The following SLC24A2 variants were observed in gnomAD, a reference collection of about 807,000 sequenced individuals.
SLC24A2 encodes the protein solute carrier family 24 member 2, also known as sodium/potassium/calcium exchanger 2.
Under a neutral mutation model 62.0 loss-of-function variants are expected in SLC24A2, and 36 were observed. The ratio of observed to expected loss-of-function variants is 0.58; its 90% confidence interval spans 0.44 to 0.77. The LOEUF (loss-of-function observed/expected upper bound fraction) is 0.77, where lower values mean the gene tolerates loss of function less well. Ranked by LOEUF, SLC24A2 falls within the 30% of genes least tolerant of loss-of-function variation. The pLI, the probability that SLC24A2 is intolerant of heterozygous loss-of-function variation, is 0.00. For missense variants in SLC24A2, 846 were observed against 817.9 expected, an observed-to-expected ratio of 1.03 and a Z score of -0.42; for synonymous variants, 358 against 294.0, an observed-to-expected ratio of 1.22 and a Z score of -2.23.
At chr9:20,025,288 C>G in the SLC24A2 span, among the ~76,000 whole-genome samples, 1 of 152,118 alleles carries the variant, frequency 6.6e-6, no homozygotes, top group Admixed American at 6.6e-5. Flanking sequence ...TGTATCTCAG[C>G]TCCTAACACT....
chr9:20,232,241 T>A, the SLC24A2 span, among the ~76,000 whole-genome samples: 1 of 152,364 alleles, frequency 6.6e-6, no homozygotes, highest in East Asian at 1.9e-4. Context: ...AGGATGATGC[T>A]GGCCTCATAA....
Position 19,758,797 on chromosome 9 carries a change from A to T in SLC24A2, c.930+27140T>A, listed in dbSNP as rs561527531. Among the ~76,000 whole-genome samples the T allele has an allele frequency of 2.0e-4, 30 of 152,312 alleles. No homozygotes were observed. The South Asian group carries it at 6.0e-3, about 30-fold the overall frequency. On this transcript the variant is annotated intron_variant, in intron 2 of 10. Coordinates refer to ENST00000341998, the MANE Select transcript of SLC24A2 (RefSeq NM_020344.4). ...TATTCAGTAAGAAAGAAATCAAGAC[A>T]GTCATTTCACTTCCTGCTTATCACT... is the stretch of plus-strand genomic sequence containing the variant.
intron 2 of SLC24A2, among the ~76,000 whole-genome samples, chr9:19,770,155 A>T (rs1366537545): frequency 6.6e-6 from 1 of 151,840 alleles, no homozygotes; most frequent in Non-Finnish European, 1.5e-5. Flanking sequence ...GACCAAAGTA[A>T]GCAGACTTTA....
chr9:19,812,301 A>G, the SLC24A2 span, among the ~76,000 whole-genome samples: 5 of 152,098 alleles, frequency 3.3e-5, no homozygotes, highest in Admixed American at 1.3e-4. Context: ...TGGGAATCCA[A>G]TTAAATTTAT....
chr9:19,642,921 C>A (rs981177544), intron 2 of SLC24A2, among the ~76,000 whole-genome samples: 3 of 149,408 alleles, frequency 2.0e-5, no homozygotes, highest in Admixed American at 1.3e-4. Context: ...ACCTCGTGAT[C>A]TGCCCGCCTT....
the SLC24A2 span, among the ~76,000 whole-genome samples, chr9:20,181,845 G>A: frequency 3.3e-5 from 5 of 152,272 alleles, no homozygotes; most frequent in East Asian, 1.9e-4. Flanking sequence ...AGAATGAATA[G>A]GCAACCTATA....
At chr9:20,166,422 T>C in the SLC24A2 span, among the ~76,000 whole-genome samples, 4 of 151,868 alleles carry the variant, frequency 2.6e-5, no homozygotes, top group Non-Finnish European at 5.9e-5. Flanking sequence ...TCTTAGAAGG[T>C]TGATTGAACA....
the SLC24A2 span, among the ~76,000 whole-genome samples, chr9:20,014,096 T>C: frequency 6.6e-6 from 1 of 152,114 alleles, no homozygotes; most frequent in Non-Finnish European, 1.5e-5. Context: ...TAGTCTCAGC[T>C]ACTCAGAAGG....
At chr9:20,264,157 A>T in the SLC24A2 span, among the ~76,000 whole-genome samples, 1 of 152,146 alleles carries the variant, frequency 6.6e-6, no homozygotes, top group Non-Finnish European at 1.5e-5. Flanking sequence ...GGCAGTTAGG[A>T]GCAAGGACAC....
intron 2 of SLC24A2, among the ~76,000 whole-genome samples, chr9:19,758,337 G>A (rs777520159): frequency 2.0e-5 from 3 of 152,172 alleles, no homozygotes; most frequent in African/African-American, 4.8e-5. Context: ...GACACAGGGA[G>A]TATCCATCAA....
rs61576823 is a variant in SLC24A2, at chr9:19,650,822, A to AGTGTGTGTGTGTGT, written c.931-28537_931-28524dup. 7.3e-3 allele frequency among the ~76,000 whole-genome samples: 1,083 copies of AGTGTGTGTGTGTGT among 149,168 alleles called. 12 individuals carry two copies. Among genetic ancestry groups the AGTGTGTGTGTGTGT allele is most frequent in the African/African-American group, 0.026 (1,046 of 40,450 alleles). ...ACAGGCATTGTAAACATCAGCTTCT[A>AGTGTGTGTGTGTGT]GTGTGTGTGTGTGTGTGTGTGTGTG... On this transcript the variant is annotated intron_variant, in intron 2 of 10. Coordinates refer to ENST00000341998, the MANE Select transcript of SLC24A2 (RefSeq NM_020344.4).
chr9:19,621,396 G>C (rs1415455589), intron 3 of SLC24A2, among the ~76,000 whole-genome samples: 1 of 152,142 alleles, frequency 6.6e-6, no homozygotes, highest in Non-Finnish European at 1.5e-5. Context: ...TTATGTCTTT[G>C]CCCTGAGCAT....
chr9:19,880,626 A>G, the SLC24A2 span, among the ~76,000 whole-genome samples: 135 of 152,308 alleles, frequency 8.9e-4, 1 homozygote, highest in African/African-American at 2.9e-3. Flanking sequence ...TTCTTGGTAT[A>G]CTTAGAAGCC....
chr9:19,919,327 T>C, the SLC24A2 span, among the ~76,000 whole-genome samples: 1 of 152,138 alleles, frequency 6.6e-6, no homozygotes, highest in Non-Finnish European at 1.5e-5. Context: ...TCGACTTTAT[T>C]ATGCTTTCGG....
chr9:19,790,421 G>A (rs1823301212), upstream of SLC24A2, among the ~76,000 whole-genome samples: 1 of 149,886 alleles, frequency 6.7e-6, no homozygotes, highest in Non-Finnish European at 1.5e-5. Context: ...CATTTTATCT[G>A]TAAATATTTT....
the SLC24A2 span, among the ~76,000 whole-genome samples, chr9:19,808,741 C>T: frequency 6.6e-6 from 1 of 152,156 alleles, no homozygotes; most frequent in Non-Finnish European, 1.5e-5. This position sits in a 1 kb window ranked among gnomAD's most constrained non-coding sequence, Gnocchi z 4.1. Flanking sequence ...GTTCCATTCC[C>T]TGCTTAAGTT....
At chr9:19,559,042 T>A (rs919321070) in intron 7 of SLC24A2, among the ~76,000 whole-genome samples, 2 of 152,228 alleles carry the variant, frequency 1.3e-5, no homozygotes, top group African/African-American at 4.8e-5. Flanking sequence ...ACCCATTCTT[T>A]TACAACATGG....
At chr9:19,676,564 A>G (rs1322730588) in intron 2 of SLC24A2, among the ~76,000 whole-genome samples, 2 of 152,056 alleles carry the variant, frequency 1.3e-5, no homozygotes, top group African/African-American at 4.8e-5. Flanking sequence ...TTTTTTCCAC[A>G]TGTGTATCTT....
chr9:19,789,249 G>C (rs971270879), upstream of SLC24A2, among the ~76,000 whole-genome samples: 10 of 152,358 alleles, frequency 6.6e-5, no homozygotes, highest in East Asian at 1.7e-3. Context: ...ATTTGCAGGC[G>C]AGCAAGGGCA....
Sources: allele counts gnomAD v4.1 joint callset (sites outside exome capture counted in the v4.1 genomes callset), GRCh38; gene constraint gnomAD v4.1.1; non-coding constraint Gnocchi (gnomAD v3.1); transcripts MANE v1.5; gene names NCBI Gene and HGNC (gene_info 2026-07-23, HGNC 2026-07-21).